REV3L: variants seen among roughly 807,000 people sequenced by gnomAD.
REV3L encodes DNA polymerase zeta catalytic subunit.
In REV3L, 69 loss-of-function variants were observed where a neutral mutation model predicts 299.4. The ratio of observed to expected loss-of-function variants is 0.23; its 90% CI spans 0.19 to 0.28. The LOEUF (loss-of-function observed/expected upper bound fraction) is 0.28. REV3L is among the 10% of genes least tolerant of loss of function. The probability of loss-of-function intolerance (pLI) is 1.00; values close to 1 mark genes in which losing one functional copy is unlikely to be tolerated. For missense variants in REV3L, 3,128 were observed against 3,693.8 expected, an observed-to-expected ratio of 0.85 and a Z score of 3.97; for synonymous variants, 1,238 against 1,271.4, an observed-to-expected ratio of 0.97 and a Z score of 0.56.
intron 26 of REV3L, among the ~76,000 whole-genome samples, chr6:111,318,334 G>C (rs1032406858): frequency 1.3e-5 from 2 of 152,036 alleles, no homozygotes; most frequent in Admixed American, 6.6e-5. Context: ...ATTTTTAGTA[G>C]AGACGGGGTT....
intron 1 of REV3L, among the ~76,000 whole-genome samples, chr6:111,438,035 T>A (rs13204952): frequency 1.5e-4 from 23 of 151,320 alleles, no homozygotes; most frequent in Middle Eastern, 3.2e-3. Context: ...TTTATTTTTA[T>A]TTTTTATAGA....
rs1409739759 is a variant in REV3L at position 111,309,894 on chromosome 6, T to C, written c.9001A>G (p.Ile3001Val). Residue 3001 changes from isoleucine (I) to valine (V), a missense_variant, in exon 30 of 32, where the codon ATT becomes GTT. Physicochemically the swap from Ile to Val is conservative, Grantham distance 29. Transcript: ENST00000368802. ...TACCAGCTGAAGACATCAATACCAA[T>C]AAGTGAGAAGATTCTTGCCAAGGGT... is the stretch of plus-strand genomic sequence containing the variant. ...LPPLARIFSL[I>V]GIDVFSWYHE... is the part of the protein sequence containing the mutation. The C allele has an allele frequency of 6.2e-7, 1 of 1,613,984 alleles. No individual in the cohort carries two copies. Among genetic ancestry groups the C allele is most frequent in the Admixed American group, 1.7e-5 (1 of 60,000 alleles).
rs540089394 is a variant in REV3L at position 111,351,767 on chromosome 6, T to C, written c.7209A>G (p.Gly2403=). 1 of 1,612,930 alleles carries C rather than the reference T, an allele frequency of 6.2e-7. No individual in the cohort carries two copies. The highest frequency in any genetic ancestry group is 1.3e-5 in the African/African-American group (1 of 74,994). Residue 2403 remains glycine (G), a synonymous_variant, in exon 19 of 32, where the codon GGA becomes GGG. Transcript: ENST00000368802. ...IKRYDPDILL[G]YEIQMHSWGY... ...CCCAGGAATGCATCTGAATCTCATA[T>C]CCTAGCAGAATATCAGGATCATACC...
chr6:111,427,956 T>C (rs1225684128), intron 1 of REV3L, among the ~76,000 whole-genome samples: 2 of 151,652 alleles, frequency 1.3e-5, no homozygotes, highest in South Asian at 2.1e-4. Context: ...CACAGGTTCA[T>C]TGGACATGAA....
chr6:111,407,028 T>C (rs1783714290), intron 3 of REV3L, among the ~76,000 whole-genome samples: 1 of 152,142 alleles, frequency 6.6e-6, no homozygotes, highest in South Asian at 2.1e-4. Context: ...GAGGACCACC[T>C]GAGCCCAGGA....
chr6:111,460,297 T>C (rs1790606938), intron 1 of REV3L: 1 of 152,068 alleles, frequency 6.6e-6, no homozygotes, highest in African/African-American at 2.4e-5. Context: ...ATGGAAAAAC[T>C]ACCTATTGAG....
chr6:111,308,579 A>T (rs928258469), intron 30 of REV3L, among the ~76,000 whole-genome samples: 1 of 152,242 alleles, frequency 6.6e-6, no homozygotes, highest in African/African-American at 2.4e-5. Context: ...TTGAACCATC[A>T]TAAGTTGGGG....
At chr6:111,308,291 G>A (rs1279452372) in intron 30 of REV3L, 1 of 452,076 alleles carries the variant, frequency 2.2e-6, no homozygotes, top group African/African-American at 2.0e-5. Context: ...ATGTCATTGG[G>A]TTAACATTCT....
intron 1 of REV3L, among the ~76,000 whole-genome samples, chr6:111,436,458 A>T (rs1216774046): frequency 6.6e-6 from 1 of 152,230 alleles, no homozygotes; most frequent in Non-Finnish European, 1.5e-5. Context: ...TATAAAAAAA[A>T]TGAAATCCTG....
intron 21 of REV3L, among the ~76,000 whole-genome samples, chr6:111,337,059 C>T (rs1367466469): frequency 8.0e-6 from 1 of 124,730 alleles, no homozygotes; most frequent in Non-Finnish European, 1.6e-5. Flanking sequence ...TTGTCTAAGG[C>T]AAGAGGTAGA....
At chr6:111,431,098 T>C in intron 1 of REV3L, 3 of 1,503,336 alleles carry the variant, frequency 2.0e-6, no homozygotes, top group East Asian at 4.5e-5. Flanking sequence ...CAAGAATGAT[T>C]CTGATTTAAT....
rs578153769 is a variant in REV3L at position 111,475,836 on chromosome 6, C to T, written c.139+6914G>A. The stretch of plus-strand genomic sequence containing the variant: ...AAAGGACTTCACCAATCCTGGATTA[C>T]GTAAAAAATAATTACCCTACCTTTT... On this transcript the variant is annotated intron_variant, in intron 1 of 31. Transcript: ENST00000368802. Among the ~76,000 whole-genome samples the T allele has an allele frequency of 1.9e-3, 283 of 152,230 alleles. 2 individuals carry two copies. Among genetic ancestry groups the T allele is most frequent in the South Asian group, 0.015 (73 of 4,814 alleles).
At chr6:111,431,714 T>C in intron 1 of REV3L, 1 of 962,934 alleles carries the variant, frequency 1.0e-6, no homozygotes. Flanking sequence ...AACAACTCTG[T>C]GGATTTGACA....
intron 21 of REV3L, among the ~76,000 whole-genome samples, chr6:111,337,737 T>A (rs976819263): frequency 6.6e-6 from 1 of 152,234 alleles, no homozygotes; most frequent in African/African-American, 2.4e-5. Context: ...TGCATTGTTT[T>A]GTTTTAGATC....
At chr6:111,387,957 A>G (rs1388066953) in intron 8 of REV3L, 44 bp from the exon 9 acceptor site, 1 of 1,608,810 alleles carries the variant, frequency 6.2e-7, no homozygotes, top group Non-Finnish European at 8.5e-7. Context: ...TACATAACAA[A>G]GGAATAAAAT....
intron 9 of REV3L, among the ~76,000 whole-genome samples, chr6:111,382,838 G>T (rs781025916): frequency 6.6e-6 from 1 of 152,090 alleles, no homozygotes; most frequent in African/African-American, 2.4e-5. Context: ...AGCTCCAGAA[G>T]ACTCTTTCAT....
At chr6:111,450,478 C>CAAAAAAAAAAAAAAAAAA (rs869119350) in intron 1 of REV3L, among the ~76,000 whole-genome samples, 1 of 54,114 alleles carries the variant, frequency 1.8e-5, no homozygotes, top group Non-Finnish European at 2.8e-5. Context: ...GACCCTGTCT[C>CAAAAAAAAAAAAAAAAAA]AAAAAAAAAA....
chr6:111,382,232 G>T (rs1298035081), intron 9 of REV3L, among the ~76,000 whole-genome samples: 1 of 152,020 alleles, frequency 6.6e-6, no homozygotes, highest in Non-Finnish European at 1.5e-5. Context: ...ACAAGAAAGC[G>T]CCTTCATTAG....
At chr6:111,336,169 T>C (rs1183375641) in intron 21 of REV3L, among the ~76,000 whole-genome samples, 3 of 151,938 alleles carry the variant, frequency 2.0e-5, no homozygotes, top group Non-Finnish European at 4.4e-5. Context: ...TTTGTTAAAA[T>C]ATAAAAGTTC....
Sources: allele counts gnomAD v4.1 joint callset (sites outside exome capture counted in the v4.1 genomes callset), GRCh38; gene constraint gnomAD v4.1.1; transcripts MANE v1.5; gene names NCBI Gene and HGNC (gene_info 2026-07-23, HGNC 2026-07-21).